The following TGFA variants were observed in gnomAD, a reference collection of about 807,000 sequenced individuals.
TGFA encodes the protein protransforming growth factor alpha.
A neutral mutation model predicts 21.7 loss-of-function variants in TGFA; 12 were observed. That is an observed-to-expected ratio of 0.55 (90% CI 0.35 to 0.90). TGFA has a LOEUF of 0.90. TGFA is among the 40% of genes least tolerant of loss of function. The pLI is 0.01. For missense variants in TGFA, 178 were observed against 210.8 expected, an observed-to-expected ratio of 0.84 and a Z score of 0.96; for synonymous variants, 79 against 88.1, an observed-to-expected ratio of 0.90 and a Z score of 0.58.
At chr2:70,529,594 C>CCT (rs1553503472) in intron 1 of TGFA, among the ~76,000 whole-genome samples, 1 of 134,300 alleles carries the variant, frequency 7.4e-6, no homozygotes, top group African/African-American at 3.7e-5. Context: ...TGAATCCCCC[C>CCT]GCCCCAGTCC....
chr2:70,453,442 C>T (rs573763983), intron 4 of TGFA, 115 bp from the exon 5 acceptor site: 2 of 792,972 alleles, frequency 2.5e-6, no homozygotes, highest in South Asian at 3.6e-5. Flanking sequence ...AGCTCCAAAC[C>T]AGCTCCCCAT....
intron 3 of TGFA, among the ~76,000 whole-genome samples, chr2:70,460,306 T>C (rs1670370508): frequency 6.6e-6 from 1 of 152,060 alleles, no homozygotes; most frequent in Admixed American, 6.5e-5. Context: ...TTTCTCTTCC[T>C]AGTTGTAATA....
intron 1 of TGFA, among the ~76,000 whole-genome samples, chr2:70,543,658 G>A (rs1377466046): frequency 6.6e-6 from 1 of 152,048 alleles, no homozygotes; most frequent in Non-Finnish European, 1.5e-5. Context: ...TAGATTGTGA[G>A]GAAAATATGT....
At chr2:70,453,185 A>G (rs1670113621) in intron 5 of TGFA, 33 bp downstream of exon 5, 1 of 1,589,956 alleles carries the variant, frequency 6.3e-7, no homozygotes, top group South Asian at 1.1e-5. Flanking sequence ...TCTCCACCCA[A>G]TAGTGTCTCC....
chr2:70,452,450 T>C (rs1034342371), intron 5 of TGFA, among the ~76,000 whole-genome samples: 3 of 151,752 alleles, frequency 2.0e-5, no homozygotes, highest in Non-Finnish European at 4.4e-5. Context: ...TTAATGAAGA[T>C]CATAGGATCT....
intron 2 of TGFA, among the ~76,000 whole-genome samples, chr2:70,475,782 G>A (rs1363869032): frequency 2.0e-5 from 3 of 152,036 alleles, no homozygotes; most frequent in African/African-American, 7.2e-5. Context: ...ATCCAAAGAT[G>A]CACGACATAC....
At chr2:70,525,608 A>G (rs1405708257) in intron 1 of TGFA, among the ~76,000 whole-genome samples, 1 of 152,164 alleles carries the variant, frequency 6.6e-6, no homozygotes, top group Non-Finnish European at 1.5e-5. Flanking sequence ...TGGGCCCCAG[A>G]AGCAAGGGGC....
At chr2:70,535,777 T>C (rs1553504283) in intron 1 of TGFA, among the ~76,000 whole-genome samples, 2 of 152,372 alleles carry the variant, frequency 1.3e-5, no homozygotes, top group Admixed American at 1.3e-4. Flanking sequence ...AAGGTCGTAT[T>C]ACATAGTGAA....
In TGFA at chr2:70,483,119, G is replaced by A. The variant is rs139209298; in HGVS notation, c.95-17383C>T. 7.2e-5 allele frequency among the ~76,000 whole-genome samples: 11 copies of A among 152,278 alleles called. No homozygotes were observed. In the East Asian group the frequency reaches 1.9e-3, roughly 27 times the overall value. On this transcript the variant is annotated intron_variant, in intron 2 of 5. Coordinates refer to ENST00000295400, the MANE Select transcript of TGFA (RefSeq NM_003236.4). The stretch of plus-strand genomic sequence containing the variant: ...ACTGAATATTTTGATTTTGTCATGT[G>A]CCTTGTTGAACTCAACGTGTATCCT...
chr2:70,553,787 C>A lies in TGFA; in HGVS notation c.-20G>T, dbSNP rs782112490. On this transcript the variant is annotated 5_prime_UTR_variant, in exon 1 of 6. Transcript: ENST00000295400. ...GACCATTTTACGGGCGGGCGGGCAG[C>A]AGGCTCTCCAGCCTCCTGCCCTACC... is the stretch of plus-strand genomic sequence containing the variant. 2.4e-6 allele frequency: 3 copies of A among 1,271,624 alleles called. No homozygotes were observed. Among genetic ancestry groups the A allele is most frequent in the Non-Finnish European group, 2.0e-6 (2 of 1,001,856 alleles). 78.8% of individuals were successfully genotyped at this position (1,271,624 alleles called of 1,614,324 possible).
At chr2:70,534,876 G>A (rs965974940) in intron 1 of TGFA, among the ~76,000 whole-genome samples, 1 of 152,078 alleles carries the variant, frequency 6.6e-6, no homozygotes, top group Non-Finnish European at 1.5e-5. Flanking sequence ...ACAACTCCAG[G>A]CACCTCAGCA....
intron 1 of TGFA, chr2:70,553,135 G>A: frequency 6.5e-7 from 1 of 1,528,262 alleles, no homozygotes; most frequent in Non-Finnish European, 8.8e-7. Flanking sequence ...CTTCTCCCAG[G>A]GAAGTTAATT....
chr2:70,488,749 C>T (rs1328861405), intron 2 of TGFA, among the ~76,000 whole-genome samples: 4 of 152,220 alleles, frequency 2.6e-5, no homozygotes, highest in Non-Finnish European at 5.9e-5. Context: ...TATAATTATA[C>T]ATCAAGTTAG....
At chr2:70,463,246 G>A (rs1470972963) in intron 3 of TGFA, among the ~76,000 whole-genome samples, 1 of 152,182 alleles carries the variant, frequency 6.6e-6, no homozygotes, top group Non-Finnish European at 1.5e-5. Context: ...TATGCAGAGT[G>A]CTGGGTACCA....
rs1293970911 is a variant in TGFA, at chr2:70,463,668, AGCCCAGTGCACAAGAG to A, written c.215+1932_215+1947del. Among the ~76,000 whole-genome samples, 5 of 152,268 alleles carry A rather than the reference AGCCCAGTGCACAAGAG, an allele frequency of 3.3e-5. No homozygotes were observed. The South Asian group carries it at 1.0e-3, about 32-fold the overall frequency. On this transcript the variant is annotated intron_variant, in intron 3 of 5. Transcript: ENST00000295400. ...TCCAAAGAGGATTCTCTCTACTCAT[AGCCCAGTGCACAAGAG>A]GCCCTGTATGCTTGATTCTGGGCCG...
chr2:70,498,367 C>T (rs974133810), intron 2 of TGFA, among the ~76,000 whole-genome samples: 5 of 152,160 alleles, frequency 3.3e-5, no homozygotes, highest in Admixed American at 3.3e-4. Context: ...ACTAGGGTGG[C>T]AGGTGGGAAA....
At chr2:70,453,111 T>C in intron 5 of TGFA, 107 bp downstream of exon 5, 2 of 1,009,998 alleles carry the variant, frequency 2.0e-6, no homozygotes, top group Non-Finnish European at 3.0e-6. Flanking sequence ...TCTCTTCCTT[T>C]TCTCCTCTCT....
intron 1 of TGFA, among the ~76,000 whole-genome samples, chr2:70,532,611 T>A (rs1489935393): frequency 6.6e-6 from 1 of 152,244 alleles, no homozygotes; most frequent in Non-Finnish European, 1.5e-5. Flanking sequence ...TCTTATTTAC[T>A]GGGATAAAAA....
intron 3 of TGFA, 49 bp downstream of exon 3, chr2:70,465,567 A>G (rs2103697145): frequency 1.2e-6 from 2 of 1,611,630 alleles, no homozygotes; most frequent in Non-Finnish European, 1.7e-6. Context: ...CTAATTGGAT[A>G]TTGGACTGAC....
Sources: gnomAD v4.1 joint callset for allele counts (sites outside exome capture counted in the v4.1 genomes callset) on GRCh38, gnomAD v4.1.1 for gene constraint, MANE v1.5 for transcripts, NCBI Gene and HGNC (gene_info 2026-07-23, HGNC 2026-07-21) for gene names.